PHF24: variants seen among roughly 807,000 people sequenced by gnomAD.
PHF24 encodes PHD finger protein 24, also known as Galpha inhibitory interacting protein.
PHF24 carries 25 observed loss-of-function variants against 42.6 expected under a neutral mutation model. The ratio of observed to expected loss-of-function variants is 0.59; its 90% CI spans 0.43 to 0.82. The LOEUF is 0.82. Among genes scored for constraint, PHF24 ranks in the 40% least tolerant of loss-of-function variants. PHF24 has a pLI of 0.00. For missense variants in PHF24, 470 were observed against 538.1 expected, an observed-to-expected ratio of 0.87 and a Z score of 1.25; for synonymous variants, 185 against 204.8, an observed-to-expected ratio of 0.90 and a Z score of 0.83.
chr9:34,689,677 C>A, the PHF24 span: 3 of 916,276 alleles, frequency 3.3e-6, no homozygotes, highest in Admixed American at 3.9e-5. The surrounding 1 kb of genome is among the most constrained non-coding windows in gnomAD (Gnocchi z 4.1). Context: ...CTCACACACA[C>A]CCCAGGCCCT....
the PHF24 span, among the ~76,000 whole-genome samples, chr9:34,882,950 C>G: frequency 6.6e-6 from 1 of 152,168 alleles, no homozygotes; most frequent in African/African-American, 2.4e-5. Flanking sequence ...ATCACGCTAC[C>G]TGACTTCAAA....
the PHF24 span, among the ~76,000 whole-genome samples, chr9:34,743,212 T>C: frequency 7.9e-5 from 12 of 152,366 alleles, 1 homozygote; most frequent in African/African-American, 2.9e-4. Context: ...TAAAAAATCA[T>C]GTCTTTTAGA....
the PHF24 span, among the ~76,000 whole-genome samples, chr9:34,924,539 T>A: frequency 1.3e-5 from 2 of 152,232 alleles, no homozygotes; most frequent in African/African-American, 4.8e-5. Flanking sequence ...CGTTTGTGTT[T>A]CTTTTTATGG....
the PHF24 span, chr9:34,918,092 C>A: frequency 6.5e-7 from 1 of 1,536,744 alleles, no homozygotes. Context: ...TCCATGAAAC[C>A]TCCAACATCA....
At chr9:34,725,309 G>A in the PHF24 span, 1 of 1,136,306 alleles carries the variant, frequency 8.8e-7, no homozygotes, top group Admixed American at 2.3e-5. Flanking sequence ...GGCCTCTAGG[G>A]CTACAGGCTG....
the PHF24 span, among the ~76,000 whole-genome samples, chr9:34,798,460 A>G: frequency 6.6e-6 from 1 of 152,152 alleles, no homozygotes; most frequent in South Asian, 2.1e-4. Context: ...GTGAGAACAT[A>G]TATTATTTGG....
At chr9:34,876,844 A>C in the PHF24 span, among the ~76,000 whole-genome samples, 1 of 152,230 alleles carries the variant, frequency 6.6e-6, no homozygotes, top group Non-Finnish European at 1.5e-5. Context: ...AAAGGAAAAC[A>C]AAGCAGGGAC....
At chr9:34,693,573 C>A in the PHF24 span, among the ~76,000 whole-genome samples, 1 of 152,102 alleles carries the variant, frequency 6.6e-6, no homozygotes, top group Non-Finnish European at 1.5e-5. Context: ...CACATACCCT[C>A]CAAGTGACTC....
At chr9:34,745,499 A>G in the PHF24 span, among the ~76,000 whole-genome samples, 1 of 152,070 alleles carries the variant, frequency 6.6e-6, no homozygotes, top group Non-Finnish European at 1.5e-5. Flanking sequence ...GGTAGGTAAA[A>G]TACTGACGGG....
the PHF24 span, among the ~76,000 whole-genome samples, chr9:34,857,687 G>A: frequency 6.6e-6 from 1 of 152,170 alleles, no homozygotes; most frequent in Non-Finnish European, 1.5e-5. Flanking sequence ...GAATTCACTA[G>A]CCATTTTCAT....
the PHF24 span, among the ~76,000 whole-genome samples, chr9:34,873,224 C>T: frequency 6.6e-6 from 1 of 151,922 alleles, no homozygotes; most frequent in Non-Finnish European, 1.5e-5. Flanking sequence ...TCCCATTTGT[C>T]AATTTTGGCT....
At chr9:34,826,609 C>T in the PHF24 span, among the ~76,000 whole-genome samples, 41 of 152,362 alleles carry the variant, frequency 2.7e-4, no homozygotes, top group African/African-American at 9.4e-4. Flanking sequence ...GCGTTGAACA[C>T]AAGTGATGTT....
the PHF24 span, among the ~76,000 whole-genome samples, chr9:34,762,688 G>A: frequency 1.3e-5 from 2 of 149,748 alleles, no homozygotes; most frequent in Admixed American, 1.3e-4. Context: ...CTGTGCAGAA[G>A]CTCTTTAGTT....
chr9:34,686,833 G>A, the PHF24 span, among the ~76,000 whole-genome samples: 2 of 152,154 alleles, frequency 1.3e-5, no homozygotes, highest in African/African-American at 4.8e-5. Flanking sequence ...ACAATCTCTG[G>A]TGGGCTCCTG....
At chr9:34,981,959 A>G (rs565455110) in exon 8 of PHF24, 4 of 152,058 alleles carry the variant, frequency 2.6e-5, no homozygotes, top group African/African-American at 9.6e-5. Flanking sequence ...CTCTGCTGTT[A>G]CTTTTCTGCT....
At chr9:34,913,202 TATC>T in the PHF24 span, among the ~76,000 whole-genome samples, 2 of 151,894 alleles carry the variant, frequency 1.3e-5, no homozygotes, top group African/African-American at 2.4e-5. Context: ...TTGGGGACAA[TATC>T]AAAAAGATAA....
chr9:34,838,702 G>A, the PHF24 span: 31 of 366,332 alleles, frequency 8.5e-5, no homozygotes, highest in East Asian at 1.3e-3. Context: ...AGATGAGGGT[G>A]TTTTGAGCCT....
chr9:34,766,018 G>A, the PHF24 span, among the ~76,000 whole-genome samples: 3 of 152,012 alleles, frequency 2.0e-5, no homozygotes, highest in Non-Finnish European at 2.9e-5. Context: ...TAAGAATGTT[G>A]AATATTGGCC....
the PHF24 span, among the ~76,000 whole-genome samples, chr9:34,685,205 C>T: frequency 6.6e-6 from 1 of 152,190 alleles, no homozygotes; most frequent in African/African-American, 2.4e-5. Context: ...TCTACCCCTA[C>T]CCTCCAGATC....
Sources: gnomAD v4.1 joint callset for allele counts (sites outside exome capture counted in the v4.1 genomes callset) on GRCh38, gnomAD v4.1.1 for gene constraint, Gnocchi (gnomAD v3.1) non-coding constraint, MANE v1.5 for transcripts, NCBI Gene and HGNC (gene_info 2026-07-23, HGNC 2026-07-21) for gene names.